CMIP: variants seen among roughly 807,000 people sequenced by gnomAD.
The protein encoded by CMIP is c-Maf inducing protein.
CMIP carries 13 observed loss-of-function variants against 97.3 expected under a neutral mutation model. The ratio of observed to expected loss-of-function variants is 0.13; its 90% CI spans 0.09 to 0.21. The LOEUF (loss-of-function observed/expected upper bound fraction) is 0.21. Ranked by LOEUF, CMIP falls within the 10% of genes least tolerant of loss-of-function variation. The pLI is 1.00. For missense variants in CMIP, 847 were observed against 1,024.9 expected (o/e 0.83, Z 2.37); for synonymous variants, 538 against 436.3 (o/e 1.23, Z -2.91).
chr16:81,678,395 C>T lies in CMIP; in HGVS notation c.1155C>T (p.Ala385=). The change falls in exon 10 of 21, where the codon GCC becomes GCT. Residue 385 remains alanine (A), a synonymous_variant. Coordinates refer to ENST00000537098, the MANE Select transcript of CMIP (RefSeq NM_198390.3). ...GCCCGGACCTGGTGTCTCAGGAAGC[C>T]ACGCTGTCTGAGGCCCGGCTCAAGT... ...HPSPDLVSQE[A]TLSEARLKSV... 1.2e-6 allele frequency: 2 copies of T among 1,608,708 alleles called. No homozygotes were observed. Among genetic ancestry groups the T allele is most frequent in the Non-Finnish European group, 1.7e-6 (2 of 1,177,828 alleles).
At chr16:81,490,611 C>G (rs1198689460) in intron 1 of CMIP, among the ~76,000 whole-genome samples, 1 of 152,168 alleles carries the variant, frequency 6.6e-6, no homozygotes, top group Non-Finnish European at 1.5e-5. Flanking sequence ...CAGAGGGAGA[C>G]TGTCTCAAAA....
chr16:81,457,865 G>A (rs1004271025), intron 1 of CMIP, among the ~76,000 whole-genome samples: 2 of 152,200 alleles, frequency 1.3e-5, no homozygotes, highest in South Asian at 2.1e-4. Context: ...GGTGGGCCAC[G>A]GCACCCCAGG....
chr16:81,703,526 CACAG>C (rs1180908539), intron 17 of CMIP, among the ~76,000 whole-genome samples: 4 of 152,004 alleles, frequency 2.6e-5, no homozygotes, highest in Non-Finnish European at 5.9e-5. Flanking sequence ...CACAGACGTG[CACAG>C]ACACACACAT....
chr16:81,672,145 C>G, intron 9 of CMIP, 75 bp downstream of exon 9: 1 of 839,886 alleles, frequency 1.2e-6, no homozygotes, highest in South Asian at 1.5e-5. Context: ...GCAAAGTCAC[C>G]AAGAACTGAC....
At chr16:81,480,663 G>A (rs1177037851) in intron 1 of CMIP, among the ~76,000 whole-genome samples, 2 of 152,196 alleles carry the variant, frequency 1.3e-5, no homozygotes, top group Admixed American at 1.3e-4. Flanking sequence ...TGTTTGCTAT[G>A]GGGTAAAATA....
At chr16:81,544,491 C>CA (rs560493962) in intron 1 of CMIP, among the ~76,000 whole-genome samples, 37 of 150,126 alleles carry the variant, frequency 2.5e-4, no homozygotes, top group Non-Finnish European at 4.1e-4. Context: ...CTTCTCCAAA[C>CA]AGCCTGCCGC....
In CMIP at chr16:81,592,137, T is replaced by C. The variant is rs533358055; in HGVS notation, c.301-15430T>C. On this transcript the variant is annotated intron_variant, in intron 1 of 20. Coordinates refer to ENST00000537098, the MANE Select transcript of CMIP (RefSeq NM_198390.3). Reference sequence around the variant, plus strand: ...CTGCGCCTGGCTGCAGTTTACTGTTTATATTTTACTTTTTTATGCACCTTA... The same window carrying C: ...CTGCGCCTGGCTGCAGTTTACTGTTCATATTTTACTTTTTTATGCACCTTA... Among the ~76,000 whole-genome samples the C allele has an allele frequency of 2.0e-5, 3 of 152,290 alleles. No individual in the cohort carries two copies. In the South Asian group the frequency reaches 6.2e-4, roughly 32 times the overall value.
At chr16:81,500,034 A>G (rs906084064) in intron 1 of CMIP, among the ~76,000 whole-genome samples, 2 of 152,134 alleles carry the variant, frequency 1.3e-5, no homozygotes, top group Non-Finnish European at 2.9e-5. Context: ...GATGCAGAAC[A>G]TACCCAGTCT....
chr16:81,471,544 TACAC>T (rs562216408), intron 1 of CMIP, among the ~76,000 whole-genome samples: 13 of 135,826 alleles, frequency 9.6e-5, no homozygotes, highest in East Asian at 9.3e-4. Context: ...AGTGTACACA[TACAC>T]ACATGTGCAC....
rs148059938 is a variant in CMIP at position 81,470,620 on chromosome 16, A to T, written c.300+25079A>T. Among the ~76,000 whole-genome samples, 380 of 152,350 alleles carry T rather than the reference A, an allele frequency of 2.5e-3. 3 individuals carry two copies. The highest frequency in any genetic ancestry group is 8.7e-3 in the African/African-American group (361 of 41,584). ...CTGGAGCCATAGGAAATTGAGATTT[A>T]AAAAAGCTATTAAAAAGATTATAAA... is the stretch of plus-strand genomic sequence containing the variant. On this transcript the variant is annotated intron_variant, in intron 1 of 20. Coordinates refer to ENST00000537098, the MANE Select transcript of CMIP (RefSeq NM_198390.3).
intron 1 of CMIP, among the ~76,000 whole-genome samples, chr16:81,496,330 C>T (rs905085869): frequency 5.9e-5 from 9 of 152,152 alleles, no homozygotes; most frequent in Non-Finnish European, 1.2e-4. Context: ...AAACAGACCC[C>T]CTTCATGGGG....
chr16:81,686,100 G>A (rs1328133557), intron 10 of CMIP, among the ~76,000 whole-genome samples: 2 of 152,220 alleles, frequency 1.3e-5, no homozygotes, highest in African/African-American at 4.8e-5. Flanking sequence ...CAAGTTGCTG[G>A]GAGAGTTGCA....
At chr16:81,634,718 A>C (rs1160852649) in intron 3 of CMIP, among the ~76,000 whole-genome samples, 1 of 152,214 alleles carries the variant, frequency 6.6e-6, no homozygotes, top group African/African-American at 2.4e-5. Flanking sequence ...TAATTTATTA[A>C]AGAACAGGAT....
At chr16:81,494,790 C>A (rs2150770149) in intron 1 of CMIP, among the ~76,000 whole-genome samples, 1 of 152,352 alleles carries the variant, frequency 6.6e-6, no homozygotes, top group Non-Finnish European at 1.5e-5. Flanking sequence ...CCCCAAACAA[C>A]TCTGAATCTC....
At chr16:81,691,625 C>A in intron 10 of CMIP, 150 bp from the exon 11 acceptor site, 1 of 673,154 alleles carries the variant, frequency 1.5e-6, no homozygotes, top group Non-Finnish European at 2.7e-6. Flanking sequence ...TTGACTTGCT[C>A]ATCCTGGAGG....
chr16:81,553,630 C>G (rs746163091), intron 1 of CMIP, among the ~76,000 whole-genome samples: 5 of 152,232 alleles, frequency 3.3e-5, no homozygotes, highest in Non-Finnish European at 7.3e-5. Flanking sequence ...GACCTCTAAA[C>G]ACAGCCTGGA....
chr16:81,647,054 C>A (rs2092371554), intron 3 of CMIP, among the ~76,000 whole-genome samples: 5 of 152,172 alleles, frequency 3.3e-5, no homozygotes, highest in Admixed American at 3.3e-4. Flanking sequence ...GTGGCTGTAC[C>A]AGTTTACCTT....
intron 5 of CMIP, among the ~76,000 whole-genome samples, chr16:81,659,848 C>A (rs1380434680): frequency 6.6e-6 from 1 of 152,172 alleles, no homozygotes; most frequent in African/African-American, 2.4e-5. Context: ...TGACCCTCAC[C>A]CCTGCATTTT....
At chr16:81,667,652 C>T (rs972511964) in intron 7 of CMIP, among the ~76,000 whole-genome samples, 1 of 151,944 alleles carries the variant, frequency 6.6e-6, no homozygotes, top group African/African-American at 2.4e-5. Context: ...GACCCTCATT[C>T]CATAGTGGGG....
Sources: gnomAD v4.1 joint callset for allele counts (sites outside exome capture counted in the v4.1 genomes callset) on GRCh38, gnomAD v4.1.1 for gene constraint, MANE v1.5 for transcripts, NCBI Gene and HGNC (gene_info 2026-07-23, HGNC 2026-07-21) for gene names.